The following RUNDC3B variants were observed in gnomAD, a reference collection of about 807,000 sequenced individuals.
The protein encoded by RUNDC3B is RUN domain containing 3B.
RUNDC3B carries 33 observed loss-of-function variants against 58.4 expected under a neutral mutation model. That is an observed-to-expected ratio of 0.56 (90% CI 0.43 to 0.75). The LOEUF (loss-of-function observed/expected upper bound fraction) is 0.75, where lower values mean the gene tolerates loss of function less well. Ranked by LOEUF, RUNDC3B falls within the 30% of genes least tolerant of loss-of-function variation. The probability of loss-of-function intolerance (pLI) is 0.00; values close to 1 mark genes in which losing one functional copy is unlikely to be tolerated. For synonymous variants in RUNDC3B, 193 were observed against 195.2 expected (o/e 0.99, Z 0.10); for missense variants, 501 against 535.7 (o/e 0.94, Z 0.64).
chr7:87,807,255 A>G lies in RUNDC3B; in HGVS notation c.957-118A>G, dbSNP rs1455292800. The G allele has an allele frequency of 5.9e-6, 5 of 845,298 alleles. No individual in the cohort carries two copies. In the African/African-American group the frequency reaches 6.9e-5, roughly 12 times the overall value. The allele number at this position is 845,298 out of a possible 1,614,324, so 52.4% of individuals were successfully genotyped here. A position where few individuals can be genotyped will look rare whatever the true frequency, so the allele number is the denominator to read the frequency against. On this transcript the variant is annotated intron_variant, in intron 8 of 10. Coordinates refer to ENST00000394654, the MANE Select transcript of RUNDC3B (RefSeq NM_001134405.2). ...CATCCTTGCTGTAGTTCTGTTCACA[A>G]TCTATTAACAAACCAATTTTATAAG...
intron 4 of RUNDC3B, among the ~76,000 whole-genome samples, chr7:87,730,710 G>A (rs1831525868): frequency 6.6e-6 from 1 of 151,932 alleles, no homozygotes; most frequent in Admixed American, 6.6e-5. Context: ...TGGGCCTTGA[G>A]AAAACATAAG....
intron 4 of RUNDC3B, among the ~76,000 whole-genome samples, chr7:87,724,239 C>G (rs1831082569): frequency 6.6e-6 from 1 of 152,052 alleles, no homozygotes; most frequent in Non-Finnish European, 1.5e-5. Context: ...TCCCCTGAAA[C>G]CATGTCACCT....
chr7:87,766,388 T>C (rs1833980112), intron 6 of RUNDC3B, among the ~76,000 whole-genome samples: 1 of 152,144 alleles, frequency 6.6e-6, no homozygotes. Context: ...AGTATCGTCC[T>C]TTTTTTATGT....
chr7:87,628,770 G>T lies in RUNDC3B; in HGVS notation c.-54G>T. ...CGAGCGAGAACCCCCTTAAGCAGGT[G>T]TGGGGGGCGTGCGGGGTGGCACGAG... On this transcript the variant is annotated 5_prime_UTR_variant, in exon 1 of 11. Coordinates refer to ENST00000394654, the MANE Select transcript of RUNDC3B (RefSeq NM_001134405.2). 1 of 1,105,706 alleles carries T rather than the reference G, an allele frequency of 9.0e-7. No homozygotes were observed. Among genetic ancestry groups the T allele is most frequent in the Non-Finnish European group, 1.2e-6 (1 of 859,820 alleles). 68.5% of individuals were successfully genotyped at this position (1,105,706 alleles called of 1,614,324 possible).
chr7:87,753,117 T>G (rs971379935), intron 6 of RUNDC3B, among the ~76,000 whole-genome samples: 8 of 152,042 alleles, frequency 5.3e-5, no homozygotes, highest in Non-Finnish European at 1.2e-4. Flanking sequence ...ATTTCTGCCT[T>G]CATTTCGTTA....
intron 4 of RUNDC3B, among the ~76,000 whole-genome samples, chr7:87,734,622 C>T (rs908606017): frequency 1.3e-4 from 20 of 152,184 alleles, no homozygotes; most frequent in Non-Finnish European, 2.9e-4. Flanking sequence ...CACCAGACTT[C>T]TCCAAAGCAC....
At position 87,783,252 on chromosome 7, in the gene RUNDC3B, G is replaced by A. The variant is rs564813552; in HGVS notation, c.956+5297G>A. Among the ~76,000 whole-genome samples the A allele has an allele frequency of 5.3e-5, 8 of 152,012 alleles. No individual in the cohort carries two copies. In the East Asian group the frequency reaches 1.2e-3, roughly 22 times the overall value. Reference sequence around the variant, plus strand: ...AACTCTTTATCATTATGTAATGACCGTAATGACCTTCTTTGTCCTTTTTTA... The same window carrying A: ...AACTCTTTATCATTATGTAATGACCATAATGACCTTCTTTGTCCTTTTTTA... On this transcript the variant is annotated intron_variant, in intron 8 of 10. Coordinates refer to ENST00000394654, the MANE Select transcript of RUNDC3B (RefSeq NM_001134405.2).
intron 2 of RUNDC3B, among the ~76,000 whole-genome samples, chr7:87,671,998 G>T (rs1051094084): frequency 2.0e-5 from 3 of 152,098 alleles, no homozygotes; most frequent in African/African-American, 4.8e-5. Context: ...CAGTTTGGCC[G>T]CATTTTGGTA....
intron 9 of RUNDC3B, among the ~76,000 whole-genome samples, chr7:87,815,939 G>T (rs1327229213): frequency 6.6e-6 from 1 of 151,960 alleles, no homozygotes; most frequent in Admixed American, 6.6e-5. Context: ...TTTTCCAATG[G>T]ATTAAACAGA....
At chr7:87,747,055 G>T (rs959080171) in intron 6 of RUNDC3B, among the ~76,000 whole-genome samples, 4 of 152,114 alleles carry the variant, frequency 2.6e-5, no homozygotes, top group Non-Finnish European at 5.9e-5. Flanking sequence ...GGCTTGCTTT[G>T]TTATATTACC....
intron 2 of RUNDC3B, among the ~76,000 whole-genome samples, chr7:87,653,892 A>G (rs955060258): frequency 1.3e-5 from 2 of 152,020 alleles, no homozygotes; most frequent in African/African-American, 4.8e-5. Context: ...TAAACTCTGT[A>G]TTAGTCAGAA....
At chr7:87,805,055 T>C (rs1836365557) in intron 8 of RUNDC3B, among the ~76,000 whole-genome samples, 1 of 152,060 alleles carries the variant, frequency 6.6e-6, no homozygotes, top group Admixed American at 6.6e-5. Flanking sequence ...GCTCACAGAA[T>C]GGATAGAAAG....
chr7:87,775,055 C>G (rs1347257181), intron 7 of RUNDC3B, among the ~76,000 whole-genome samples: 1 of 152,142 alleles, frequency 6.6e-6, no homozygotes, highest in Non-Finnish European at 1.5e-5. Context: ...TTTAAATGTA[C>G]TCCTTCTACT....
chr7:87,629,270 T>A, intron 1 of RUNDC3B: 1 of 258,066 alleles, frequency 3.9e-6, no homozygotes, highest in Non-Finnish European at 7.3e-6. Flanking sequence ...CTCTTTCATT[T>A]AATGCCCATT....
At chr7:87,727,342 G>A (rs2130786636) in intron 4 of RUNDC3B, among the ~76,000 whole-genome samples, 1 of 152,166 alleles carries the variant, frequency 6.6e-6, no homozygotes, top group African/African-American at 2.4e-5. Flanking sequence ...CAGAAACAAA[G>A]ATAAAAACCA....
intron 8 of RUNDC3B, among the ~76,000 whole-genome samples, chr7:87,799,845 C>T (rs565102926): frequency 6.1e-5 from 9 of 146,890 alleles, no homozygotes; most frequent in African/African-American, 2.3e-4. Flanking sequence ...AAGATCGTGC[C>T]ACTGCACTCC....
At chr7:87,771,174 A>G (rs902961254) in intron 7 of RUNDC3B, among the ~76,000 whole-genome samples, 1 of 152,048 alleles carries the variant, frequency 6.6e-6, no homozygotes, top group Non-Finnish European at 1.5e-5. Context: ...AACAAACTCT[A>G]TTATTTTAAG....
chr7:87,726,264 G>A (rs369151635), intron 4 of RUNDC3B, among the ~76,000 whole-genome samples: 1 of 151,964 alleles, frequency 6.6e-6, no homozygotes, highest in Non-Finnish European at 1.5e-5. Context: ...GAATTAATTT[G>A]TGTATAAGGT....
intron 4 of RUNDC3B, among the ~76,000 whole-genome samples, chr7:87,729,865 T>C (rs1441622473): frequency 1.3e-5 from 2 of 152,138 alleles, no homozygotes; most frequent in East Asian, 3.9e-4. Flanking sequence ...GAGGACTTTG[T>C]ATTGAAACTT....
Sources: allele counts gnomAD v4.1 joint callset (sites outside exome capture counted in the v4.1 genomes callset), GRCh38; gene constraint gnomAD v4.1.1; transcripts MANE v1.5; gene names NCBI Gene and HGNC (gene_info 2026-07-23, HGNC 2026-07-21).